The following NF2 variants were observed in gnomAD, a reference collection of about 807,000 sequenced individuals.
NF2 encodes merlin.
In NF2, 8 loss-of-function variants were observed where a neutral mutation model predicts 83.7. That is an observed-to-expected ratio of 0.10 (90% CI 0.06 to 0.17). The LOEUF (loss-of-function observed/expected upper bound fraction) is 0.17. Ranked by LOEUF, NF2 falls within the 10% of genes least tolerant of loss-of-function variation. The pLI is 1.00. For missense variants in NF2, 533 were observed against 744.4 expected, an observed-to-expected ratio of 0.72 and a Z score of 3.31; for synonymous variants, 266 against 269.6, an observed-to-expected ratio of 0.99 and a Z score of 0.13.
intron 1 of NF2, among the ~76,000 whole-genome samples, chr22:29,617,410 T>G (rs2065108822): frequency 6.6e-6 from 1 of 152,122 alleles, no homozygotes; most frequent in Non-Finnish European, 1.5e-5. Context: ...GGAGCTGTCT[T>G]GTATGTTCTA....
chr22:29,639,261 G>A (rs1479920833), intron 3 of NF2, 49 bp downstream of exon 3: 5 of 1,612,572 alleles, frequency 3.1e-6, no homozygotes, highest in Non-Finnish European at 4.2e-6. Flanking sequence ...TTGCCCAGGA[G>A]TGGTTGCAGA....
intron 14 of NF2, among the ~76,000 whole-genome samples, chr22:29,679,063 T>C (rs2857651): frequency 0.3 from 46,099 of 152,198 alleles, 7,349 homozygotes; most frequent in Non-Finnish European, 0.36. Context: ...TTGGCTTTTG[T>C]CTCATTTAAT....
At chr22:29,624,137 T>C (rs540464912) in intron 1 of NF2, among the ~76,000 whole-genome samples, 1 of 152,350 alleles carries the variant, frequency 6.6e-6, no homozygotes, top group African/African-American at 2.4e-5. Flanking sequence ...ACCTTGAACT[T>C]AACTCTTTAA....
At chr22:29,647,706 C>T (rs551880564) in intron 4 of NF2, among the ~76,000 whole-genome samples, 1 of 152,276 alleles carries the variant, frequency 6.6e-6, no homozygotes, top group East Asian at 1.9e-4. Flanking sequence ...TTTCTTCCCA[C>T]TCAGCATCTA....
Position 29,694,130 on chromosome 22 carries a change from C to T in NF2, c.1738-622C>T, listed in dbSNP as rs2067480221. ...ACCTGTGTGCACCAGCCCTCCCTGC[C>T]TGCACAAGCCACACTGAGAAAGCCG... On this transcript the variant is annotated intron_variant, in intron 15 of 15. Transcript: ENST00000338641. The surrounding 1 kb of genome is among the most constrained non-coding windows in gnomAD (Gnocchi z 4.1). Among the ~76,000 whole-genome samples the T allele has an allele frequency of 6.6e-6, 1 of 152,228 alleles. No homozygotes were observed. Among genetic ancestry groups the T allele is most frequent in the Non-Finnish European group, 1.5e-5 (1 of 68,044 alleles).
At chr22:29,683,076 C>G (rs964431231) in intron 15 of NF2, 1 of 1,614,190 alleles carries the variant, frequency 6.2e-7, no homozygotes, top group Non-Finnish European at 8.5e-7. Context: ...TAGGTTGTTC[C>G]CAGGTACTCT....
At chr22:29,682,355 A>AT (rs1569312597) in intron 15 of NF2, among the ~76,000 whole-genome samples, 1 of 152,130 alleles carries the variant, frequency 6.6e-6, no homozygotes, top group African/African-American at 2.4e-5. Context: ...GATACAGTTA[A>AT]TTTTTTATTC....
At chr22:29,661,460 T>C (rs2066476597) in intron 8 of NF2, 121 bp downstream of exon 8, 1 of 1,427,940 alleles carries the variant, frequency 7.0e-7, no homozygotes, top group African/African-American at 1.4e-5. Flanking sequence ...TTCCCAGGCT[T>C]TGAGGGTGTG....
intron 10 of NF2, 149 bp from the exon 11 acceptor site, chr22:29,671,677 G>C: frequency 1.9e-6 from 2 of 1,055,790 alleles, no homozygotes; most frequent in South Asian, 2.7e-5. Flanking sequence ...CGGGGTGGGG[G>C]GCAATAAGAA....
In NF2 at chr22:29,654,724, G is replaced by A. The variant is rs752963731; in HGVS notation, c.515G>A (p.Arg172Lys). The A allele has an allele frequency of 2.5e-6, 4 of 1,612,162 alleles. No individual in the cohort carries two copies. The highest frequency in any genetic ancestry group is 3.3e-5 in the Admixed American group (2 of 60,004). Reference protein sequence around the residue: ...FLAQEELLPKRVINLYQMTPE... With the variant: ...FLAQEELLPKKVINLYQMTPE... ...GCCCAAGAGGAATTGCTTCCAAAAA[G>A]GGTAAGAGATTAAATTCCCTTTTCA... Residue 172 changes from arginine (R) to lysine (K), a missense_variant and splice_region_variant, in exon 5 of 16, where the codon AGG becomes AAG. Transcript: ENST00000338641.
intron 15 of NF2, among the ~76,000 whole-genome samples, chr22:29,688,276 G>A (rs1396855159): frequency 6.6e-6 from 1 of 152,206 alleles, no homozygotes; most frequent in Non-Finnish European, 1.5e-5. Context: ...ATTTGAGGCA[G>A]TAAAACACCC....
intron 1 of NF2, among the ~76,000 whole-genome samples, chr22:29,621,147 A>G (rs1014446532): frequency 1.3e-5 from 2 of 152,164 alleles, no homozygotes; most frequent in Non-Finnish European, 2.9e-5. Context: ...TGAACCTCAC[A>G]TTGAGGCTGA....
chr22:29,622,175 A>T (rs1317753535), intron 1 of NF2, among the ~76,000 whole-genome samples: 2 of 152,274 alleles, frequency 1.3e-5, no homozygotes, highest in African/African-American at 2.4e-5. Context: ...TGCCTATGGC[A>T]TTATTTTATT....
intron 1 of NF2, among the ~76,000 whole-genome samples, chr22:29,632,693 G>A (rs1282978999): frequency 6.6e-6 from 1 of 152,122 alleles, no homozygotes; most frequent in Non-Finnish European, 1.5e-5. Flanking sequence ...TGAGTTTTGG[G>A]TTTTTGAAGT....
intron 7 of NF2, among the ~76,000 whole-genome samples, chr22:29,659,304 CTAAAGTT>C (rs2066407832): frequency 6.6e-6 from 1 of 152,174 alleles, no homozygotes; most frequent in Non-Finnish European, 1.5e-5. Context: ...TTCTAGAAAA[CTAAAGTT>C]TTATAATCCT....
At position 29,673,355 on chromosome 22, in the gene NF2, A is replaced by G. The variant is rs1026655770; in HGVS notation, c.1209A>G (p.Ala403=). The change falls in exon 12 of 16, where the codon GCA becomes GCG. Residue 403 remains alanine, a synonymous_variant. Coordinates refer to ENST00000338641, the MANE Select transcript of NF2 (RefSeq NM_000268.4). The stretch of plus-strand genomic sequence containing the variant: ...CAAAACTTCTGGCCCAGAAGGCCGC[A>G]GAGGCTGAGCAGGAAATGCAGCGCA... ...EEAKLLAQKA[A]EAEQEMQRIK... 4 of 1,607,782 alleles carry G rather than the reference A, an allele frequency of 2.5e-6. No individual in the cohort carries two copies. Among genetic ancestry groups the G allele is most frequent in the Non-Finnish European group, 2.5e-6 (3 of 1,177,698 alleles).
intron 1 of NF2, among the ~76,000 whole-genome samples, chr22:29,632,630 C>G (rs1443841990): frequency 6.6e-6 from 1 of 151,542 alleles, no homozygotes; most frequent in South Asian, 2.1e-4. Context: ...TGTGTGTTCA[C>G]TAACTATTTG....
intron 1 of NF2, among the ~76,000 whole-genome samples, chr22:29,608,172 C>CAA (rs570144418): frequency 0.015 from 482 of 31,644 alleles, 47 homozygotes; most frequent in African/African-American, 0.038. Flanking sequence ...GACTCTGTCT[C>CAA]AAAAAAAAAA....
intron 8 of NF2, among the ~76,000 whole-genome samples, chr22:29,664,518 C>G (rs2066563757): frequency 6.6e-6 from 1 of 152,178 alleles, no homozygotes; most frequent in African/African-American, 2.4e-5. Context: ...GCTTCACTCT[C>G]TCTTGCTTAT....
Sources: gnomAD v4.1 joint callset for allele counts (sites outside exome capture counted in the v4.1 genomes callset) on GRCh38, gnomAD v4.1.1 for gene constraint, Gnocchi (gnomAD v3.1) non-coding constraint, MANE v1.5 for transcripts, NCBI Gene and HGNC (gene_info 2026-07-23, HGNC 2026-07-21) for gene names.